SLC24A4: variants seen among roughly 807,000 people sequenced by gnomAD.
The protein encoded by SLC24A4 is sodium/potassium/calcium exchanger 4.
In SLC24A4, 53 loss-of-function variants were observed where a neutral mutation model predicts 79.0. The observed-to-expected ratio is 0.67, with a 90% CI of 0.54 to 0.84. The LOEUF (loss-of-function observed/expected upper bound fraction) is 0.84, where lower values mean the gene tolerates loss of function less well. Ranked by LOEUF, SLC24A4 falls within the 40% of genes least tolerant of loss-of-function variation. SLC24A4 has a pLI of 0.00. For synonymous variants in SLC24A4, 323 were observed against 323.8 expected, an observed-to-expected ratio of 1.00 and a Z score of 0.03; for missense variants, 731 against 822.0, an observed-to-expected ratio of 0.89 and a Z score of 1.35.
At chr14:92,463,452 C>A (rs141415442) in intron 12 of SLC24A4, among the ~76,000 whole-genome samples, 1 of 152,308 alleles carries the variant, frequency 6.6e-6, no homozygotes, top group East Asian at 1.9e-4. Flanking sequence ...CAGAGACACA[C>A]AGCACTTTGT....
intron 14 of SLC24A4, among the ~76,000 whole-genome samples, chr14:92,488,074 C>CT (rs777031420): frequency 0.068 from 9,369 of 138,712 alleles, 392 homozygotes; most frequent in Non-Finnish European, 0.08. Context: ...CCTTCTTCCT[C>CT]TTTTTTTTTT....
intron 14 of SLC24A4, among the ~76,000 whole-genome samples, chr14:92,487,915 T>A (rs1438455728): frequency 6.6e-6 from 1 of 152,008 alleles, no homozygotes; most frequent in Non-Finnish European, 1.5e-5. Flanking sequence ...CACTCCAATC[T>A]CTGCCTCTGC....
chr14:92,333,717 T>C (rs7154282), intron 2 of SLC24A4, among the ~76,000 whole-genome samples: 146,066 of 152,252 alleles, frequency 0.96, 70,351 homozygotes, highest in East Asian at 1. Context: ...AGGAGATGGA[T>C]GCAAGCGCTA....
In SLC24A4 at chr14:92,398,649, C is replaced by T. The variant is rs1026240779; in HGVS notation, c.242-35263C>T. 6.6e-6 allele frequency among the ~76,000 whole-genome samples: 1 copy of T among 152,212 alleles called. No homozygotes were observed. The highest frequency in any genetic ancestry group is 1.5e-5 in the Non-Finnish European group (1 of 68,030). On this transcript the variant is annotated intron_variant, in intron 2 of 16. Transcript: ENST00000532405. This position sits in a 1 kb window ranked among gnomAD's most constrained non-coding sequence, Gnocchi z 4.1. ...TTCACATCTGTCCCACCTGGCATGG[C>T]TCAGAACATACCCCTTCCTCGTGTT...
Position 92,453,937 on chromosome 14 carries a change from G to C in SLC24A4, c.918G>C (p.Val306=). 6.2e-7 allele frequency: 1 copy of C among 1,613,406 alleles called. No homozygotes were observed. Among genetic ancestry groups the C allele is most frequent in the Non-Finnish European group, 8.5e-7 (1 of 1,179,712 alleles). ...CACAGTATGGCAAGAACCCCGTGGT[G>C]ATGGTGGACGAGATTATGAGCTCCA... The part of the protein sequence containing the change: ...EKPQYGKNPV[V]MVDEIMSSSP... The change falls in exon 11 of 17, where the codon GTG becomes GTC. Residue 306 remains valine, a synonymous_variant. Transcript: ENST00000532405.
At chr14:92,465,938 T>TTTGTG (rs1894088919) in intron 12 of SLC24A4, among the ~76,000 whole-genome samples, 1 of 152,212 alleles carries the variant, frequency 6.6e-6, no homozygotes, top group South Asian at 2.1e-4. Context: ...ATTCTTCCTC[T>TTTGTG]TCCCCACAAA....
chr14:92,372,939 T>TTCTC (rs71899331), intron 2 of SLC24A4, among the ~76,000 whole-genome samples: 1 of 120,340 alleles, frequency 8.3e-6, no homozygotes, highest in African/African-American at 3.0e-5. Flanking sequence ...TTCTTTCTTT[T>TTCTC]TCTCTCTCTC....
chr14:92,391,825 A>C (rs541831433), intron 2 of SLC24A4, among the ~76,000 whole-genome samples: 1 of 152,204 alleles, frequency 6.6e-6, no homozygotes, highest in Non-Finnish European at 1.5e-5. Flanking sequence ...CCTGCTCTGC[A>C]GCCCCAGCTG....
chr14:92,417,901 CA>C (rs1296441471), intron 2 of SLC24A4, among the ~76,000 whole-genome samples: 1 of 152,190 alleles, frequency 6.6e-6, no homozygotes, highest in Admixed American at 6.5e-5. Context: ...GATGCTCGTG[CA>C]GCAGTGAAAC....
At chr14:92,407,644 G>A (rs1185863751) in intron 2 of SLC24A4, among the ~76,000 whole-genome samples, 1 of 152,316 alleles carries the variant, frequency 6.6e-6, no homozygotes. Context: ...AGGAGAGAGA[G>A]AGAGAGAGAA....
intron 2 of SLC24A4, among the ~76,000 whole-genome samples, chr14:92,369,172 C>A (rs549041953): frequency 6.6e-6 from 1 of 152,298 alleles, no homozygotes; most frequent in South Asian, 2.1e-4. Flanking sequence ...GGTCAAAACT[C>A]CCCAGGCAGA....
intron 2 of SLC24A4, among the ~76,000 whole-genome samples, chr14:92,341,831 T>A (rs1349239654): frequency 1.3e-5 from 2 of 152,230 alleles, no homozygotes; most frequent in African/African-American, 4.8e-5. Flanking sequence ...GTTGCATCTT[T>A]TCGTTCTCTA....
chr14:92,329,180 G>A (rs762173805), intron 2 of SLC24A4, among the ~76,000 whole-genome samples: 38 of 152,232 alleles, frequency 2.5e-4, no homozygotes, highest in Non-Finnish European at 3.8e-4. Flanking sequence ...TTTCAGGGAC[G>A]TCAGAAGATG....
intron 8 of SLC24A4, 43 bp downstream of exon 8, chr14:92,445,385 T>G (rs774856945): frequency 4.4e-6 from 7 of 1,600,102 alleles, no homozygotes; most frequent in Non-Finnish European, 8.6e-7. Flanking sequence ...TTTTTGTTGT[T>G]GTTTCCAGTA....
intron 2 of SLC24A4, among the ~76,000 whole-genome samples, chr14:92,397,943 C>T (rs74871491): frequency 6.6e-6 from 1 of 152,106 alleles, no homozygotes; most frequent in Non-Finnish European, 1.5e-5. Flanking sequence ...CATGGGTCCG[C>T]AGGAGCCTAG....
chr14:92,347,924 T>TA (rs111857563), intron 2 of SLC24A4, among the ~76,000 whole-genome samples: 3,614 of 151,978 alleles, frequency 0.024, 171 homozygotes, highest in African/African-American at 0.082. Flanking sequence ...AGACTCCATC[T>TA]AAAAAAACAA....
At chr14:92,457,577 GTAGGTA>G (rs1263690354) in intron 12 of SLC24A4, 4 of 152,618 alleles carry the variant, frequency 2.6e-5, no homozygotes, top group Non-Finnish European at 1.5e-5. Flanking sequence ...TAGGGGCTTG[GTAGGTA>G]TCCGTCAAAT....
intron 2 of SLC24A4, among the ~76,000 whole-genome samples, chr14:92,419,703 C>T (rs749469171): frequency 2.6e-5 from 4 of 152,102 alleles, no homozygotes; most frequent in Non-Finnish European, 4.4e-5. Flanking sequence ...ATAAAAGATC[C>T]AATAATGACA....
chr14:92,492,993 CACACACACACACACACACACACACAG>C (rs1821418874), intron 16 of SLC24A4: 4 of 379,994 alleles, frequency 1.1e-5, no homozygotes, highest in African/African-American at 6.4e-5. Flanking sequence ...CACACACACA[CACACACACACACACACACACACACAG>C]AGAAAGATTT....
Sources: allele counts gnomAD v4.1 joint callset (sites outside exome capture counted in the v4.1 genomes callset), GRCh38; gene constraint gnomAD v4.1.1; non-coding constraint Gnocchi (gnomAD v3.1); transcripts MANE v1.5; gene names NCBI Gene and HGNC (gene_info 2026-07-23, HGNC 2026-07-21).